Variants in IKZF2 observed in about 807,000 individuals in gnomAD.
The protein encoded by IKZF2 is zinc finger protein Helios.
IKZF2 carries 15 observed loss-of-function variants against 49.2 expected under a neutral mutation model. The ratio of observed to expected loss-of-function variants is 0.30; its 90% CI spans 0.20 to 0.47. IKZF2 has a LOEUF of 0.47. IKZF2 is among the 20% of genes least tolerant of loss of function. The pLI is 1.00. For missense variants in IKZF2, 567 were observed against 664.6 expected, an observed-to-expected ratio of 0.85 and a Z score of 1.61; for synonymous variants, 227 against 221.4, an observed-to-expected ratio of 1.03 and a Z score of -0.23.
Position 213,148,598 on chromosome 2 carries a change from G to A in IKZF2, c.32C>T (p.Thr11Met), listed in dbSNP as rs370533090. 2.2e-5 allele frequency: 36 copies of A among 1,608,938 alleles called. No individual in the cohort carries two copies. The highest frequency in any genetic ancestry group is 2.7e-5 in the Non-Finnish European group (32 of 1,175,840). The stretch of plus-strand genomic sequence containing the variant: ...AATCAATGAAAACTAATACTTACAC[G>A]TTATATAGCCATCAATAGCCTCTGT... Reference protein sequence around the residue: METEAIDGYITCDNELSPERE... With the variant: METEAIDGYIMCDNELSPERE... Residue 11 changes from threonine to methionine, a missense_variant and splice_region_variant, in exon 3 of 9, where the codon ACG becomes ATG. Coordinates refer to ENST00000434687, the MANE Select transcript of IKZF2 (RefSeq NM_001387220.1).
chr2:213,067,541 T>C (rs752553251), intron 4 of IKZF2, among the ~76,000 whole-genome samples: 5 of 152,114 alleles, frequency 3.3e-5, no homozygotes, highest in Admixed American at 2.0e-4. Flanking sequence ...CATTTAAAAT[T>C]GAGCAAAGTA....
intron 4 of IKZF2, among the ~76,000 whole-genome samples, chr2:213,127,071 C>G (rs140736942): frequency 5.3e-5 from 8 of 152,192 alleles, no homozygotes; most frequent in Non-Finnish European, 1.2e-4. Flanking sequence ...CTACTTACAT[C>G]AAATGCTATT....
chr2:213,116,654 C>T (rs1322798462), intron 4 of IKZF2, among the ~76,000 whole-genome samples: 2 of 152,112 alleles, frequency 1.3e-5, no homozygotes, highest in Admixed American at 6.5e-5. Flanking sequence ...GGGATGATCA[C>T]CTGAGGCTGT....
intron 4 of IKZF2, among the ~76,000 whole-genome samples, chr2:213,143,919 G>C (rs1416205750): frequency 6.6e-6 from 1 of 151,876 alleles, no homozygotes. Flanking sequence ...TGTAGAGATA[G>C]CAGTTATCTA....
chr2:213,021,971 G>A (rs1697274841), intron 7 of IKZF2, 22 bp downstream of exon 7: 2 of 1,591,290 alleles, frequency 1.3e-6, no homozygotes, highest in African/African-American at 2.7e-5. Flanking sequence ...AAATAAAAAT[G>A]ATGAATCCAG....
At chr2:213,132,938 C>G (rs979557752) in intron 4 of IKZF2, among the ~76,000 whole-genome samples, 1 of 152,136 alleles carries the variant, frequency 6.6e-6, no homozygotes, top group African/African-American at 2.4e-5. Context: ...CATTTCTTTT[C>G]AAACAAAAAT....
At chr2:213,034,672 T>C (rs559540840) in intron 6 of IKZF2, among the ~76,000 whole-genome samples, 14 of 152,244 alleles carry the variant, frequency 9.2e-5, no homozygotes, top group African/African-American at 3.4e-4. Flanking sequence ...AAAACAGTTA[T>C]AATAATAACA....
At chr2:213,028,308 A>C (rs1242724432) in intron 6 of IKZF2, among the ~76,000 whole-genome samples, 2 of 152,140 alleles carry the variant, frequency 1.3e-5, no homozygotes, top group East Asian at 3.9e-4. Flanking sequence ...CAGGCAGTGC[A>C]AGTCATCCAA....
At chr2:213,088,469 AT>A (rs1296727059) in intron 4 of IKZF2, among the ~76,000 whole-genome samples, 1 of 152,148 alleles carries the variant, frequency 6.6e-6, no homozygotes, top group Non-Finnish European at 1.5e-5. Flanking sequence ...TTTAAAAATA[AT>A]TTTCCTGGCC....
chr2:213,062,438 T>G (rs1200284771), intron 4 of IKZF2, among the ~76,000 whole-genome samples: 1 of 151,880 alleles, frequency 6.6e-6, no homozygotes, highest in Non-Finnish European at 1.5e-5. Flanking sequence ...TTAATTTCTA[T>G]GAAATTGGTG....
intron 4 of IKZF2, among the ~76,000 whole-genome samples, chr2:213,147,001 T>C (rs2061096794): frequency 6.6e-6 from 1 of 152,116 alleles, no homozygotes; most frequent in Non-Finnish European, 1.5e-5. Context: ...AACCATATTC[T>C]TAATAAAGTA....
chr2:213,105,911 A>G (rs1243606028), intron 4 of IKZF2, among the ~76,000 whole-genome samples: 1 of 152,228 alleles, frequency 6.6e-6, no homozygotes, highest in Non-Finnish European at 1.5e-5. Context: ...AAGAGTTTCC[A>G]AACAACTTGT....
intron 4 of IKZF2, among the ~76,000 whole-genome samples, chr2:213,095,799 T>G (rs1705908382): frequency 6.6e-6 from 1 of 152,086 alleles, no homozygotes; most frequent in African/African-American, 2.4e-5. Flanking sequence ...TGTTAAGTAT[T>G]TCTGCAGAAG....
intron 6 of IKZF2, among the ~76,000 whole-genome samples, chr2:213,022,888 T>G (rs992875844): frequency 1.3e-5 from 2 of 152,172 alleles, no homozygotes; most frequent in African/African-American, 4.8e-5. Context: ...AGCCATTATC[T>G]CAGTGTCATT....
At chr2:213,073,295 T>TA (rs2125505688) in intron 4 of IKZF2, among the ~76,000 whole-genome samples, 2 of 152,308 alleles carry the variant, frequency 1.3e-5, no homozygotes, top group South Asian at 4.1e-4. Flanking sequence ...TAGGTTCTAC[T>TA]GCTGGTTAGT....
intron 4 of IKZF2, among the ~76,000 whole-genome samples, chr2:213,124,252 G>GCA (rs66958263): frequency 7.3e-4 from 100 of 136,320 alleles, no homozygotes; most frequent in African/African-American, 2.6e-3. Context: ...GCGCGCGCGC[G>GCA]CACACACACA....
rs1697261725 is a variant in IKZF2, at chr2:213,021,907, T to C, written c.712+86A>G. 5 of 1,348,992 alleles carry C rather than the reference T, an allele frequency of 3.7e-6. No homozygotes were observed. The Admixed American group carries it at 1.0e-4, about 27-fold the overall frequency. 83.6% of individuals were successfully genotyped at this position (1,348,992 alleles called of 1,614,324 possible). On this transcript the variant is annotated intron_variant, in intron 7 of 8. Transcript: ENST00000434687. ...TTTAAGTTAAAGTGATCTAAAATAG[T>C]TTTAAACAGCATAAGATTTTATCTT...
In IKZF2 at chr2:213,001,674, C is replaced by G. The variant is rs1333415336; in HGVS notation, c.*5686G>C. Reference sequence around the variant, plus strand: ...TAGAAATAAGAGTTGACCTAATCTTCAAACTTTTAGGAGAACAGAGAGGTA... The same window carrying G: ...TAGAAATAAGAGTTGACCTAATCTTGAAACTTTTAGGAGAACAGAGAGGTA... On this transcript the variant is annotated 3_prime_UTR_variant, in exon 9 of 9. Transcript: ENST00000434687. The G allele has an allele frequency of 2.0e-5, 3 of 151,646 alleles. No homozygotes were observed. The highest frequency in any genetic ancestry group is 4.4e-5 in the Non-Finnish European group (3 of 67,468). The allele number at this position is 151,646 out of a possible 1,614,324, so 9.4% of individuals were successfully genotyped here. A position where few individuals can be genotyped will look rare whatever the true frequency, so the allele number is the denominator to read the frequency against.
In IKZF2 at chr2:213,047,137, G is replaced by A. The variant is rs151114454; in HGVS notation, c.574+2576C>T. ...CCCTTTCTCTTCAATATTTTTGCAA[G>A]CTCCCTCAAATATGGATTTAACAGA... On this transcript the variant is annotated intron_variant, in intron 6 of 8. Coordinates refer to ENST00000434687, the MANE Select transcript of IKZF2 (RefSeq NM_001387220.1). 7.2e-5 allele frequency among the ~76,000 whole-genome samples: 11 copies of A among 152,202 alleles called. No individual in the cohort carries two copies. In the East Asian group the frequency reaches 1.4e-3, roughly 19 times the overall value.
Sources: allele counts gnomAD v4.1 joint callset (sites outside exome capture counted in the v4.1 genomes callset), GRCh38; gene constraint gnomAD v4.1.1; transcripts MANE v1.5; gene names NCBI Gene and HGNC (gene_info 2026-07-23, HGNC 2026-07-21).